KIAA1217: variants seen among roughly 807,000 people sequenced by gnomAD.
KIAA1217 encodes sickle tail protein homolog.
KIAA1217 carries 88 observed loss-of-function variants against 163.9 expected under a neutral mutation model. That is an observed-to-expected ratio of 0.54 (90% CI 0.45 to 0.64). The LOEUF (loss-of-function observed/expected upper bound fraction) is 0.64, where lower values mean the gene tolerates loss of function less well. Among genes scored for constraint, KIAA1217 ranks in the 30% least tolerant of loss-of-function variants. The pLI, the probability that KIAA1217 is intolerant of heterozygous loss-of-function variation, is 0.00. For missense variants in KIAA1217, 2,372 were observed against 2,475.0 expected, an observed-to-expected ratio of 0.96 and a Z score of 0.88; for synonymous variants, 903 against 923.1, an observed-to-expected ratio of 0.98 and a Z score of 0.39.
intron 1 of KIAA1217, among the ~76,000 whole-genome samples, chr10:23,731,958 GGTTGTGGT>G (rs1271873680): frequency 4.6e-5 from 7 of 152,012 alleles, no homozygotes; most frequent in Non-Finnish European, 1.0e-4. Context: ...AATCTCACTT[GGTTGTGGT>G]GTATAACTCT....
At position 24,434,025 on chromosome 10, in the gene KIAA1217, C is replaced by CTT. The variant is rs569791889; in HGVS notation, c.752+860_752+861dup. ...TCTCTCTCCCTCTCTCTCTCTCTCT[C>CTT]TTTTTTTTTTTTTTTTTTTTTTTTT... On this transcript the variant is annotated intron_variant, in intron 4 of 20. Transcript: ENST00000376454. Among the ~76,000 whole-genome samples, 269 of 72,648 alleles carry CTT rather than the reference C, an allele frequency of 3.7e-3. 1 individual carries two copies. The highest frequency in any genetic ancestry group is 4.7e-3 in the Non-Finnish European group (201 of 43,084). The allele number at this position is 72,648 out of a possible 152,430, so 47.7% of individuals were successfully genotyped here. A position where few individuals can be genotyped will look rare whatever the true frequency, so the allele number is the denominator to read the frequency against.
At chr10:24,479,896 A>G (rs895294508) in intron 6 of KIAA1217, among the ~76,000 whole-genome samples, 6 of 152,156 alleles carry the variant, frequency 3.9e-5, no homozygotes, top group Admixed American at 1.3e-4. Flanking sequence ...GCAAGAAATC[A>G]CTCACTACAT....
intron 5 of KIAA1217, among the ~76,000 whole-genome samples, chr10:24,456,347 C>T (rs779907623): frequency 7.8e-4 from 119 of 152,056 alleles, no homozygotes; most frequent in Non-Finnish European, 1.6e-3. Flanking sequence ...GAGTATTTTC[C>T]GTTTTATTCA....
rs151020484 is a variant in KIAA1217, at chr10:23,810,532, G to C, written c.-321+115298G>C. On this transcript the variant is annotated intron_variant, in intron 1 of 18. Coordinates refer to the KIAA1217 transcript ENST00000376462. ...ATATACTATAGATAATCTATATATA[G>C]TATATATAGTATAATCTATATATAG... Among the ~76,000 whole-genome samples, 206 of 129,248 alleles carry C rather than the reference G, an allele frequency of 1.6e-3. 5 individuals carry two copies. Among genetic ancestry groups the C allele is most frequent in the Non-Finnish European group, 9.6e-4 (61 of 63,392 alleles). The allele number at this position is 129,248 out of a possible 152,430, so 84.8% of individuals were successfully genotyped here.
At chr10:23,897,668 C>A (rs1841765133) in intron 1 of KIAA1217, among the ~76,000 whole-genome samples, 1 of 152,018 alleles carries the variant, frequency 6.6e-6, no homozygotes, top group Non-Finnish European at 1.5e-5. Context: ...CAACTGGTGG[C>A]TAGGAGCCCT....
At chr10:23,893,940 C>A (rs1258985472) in intron 1 of KIAA1217, among the ~76,000 whole-genome samples, 1 of 151,832 alleles carries the variant, frequency 6.6e-6, no homozygotes, top group South Asian at 2.1e-4. Context: ...AATTCAACAA[C>A]CCTTCATGCT....
intron 15 of KIAA1217, among the ~76,000 whole-genome samples, chr10:24,532,391 A>G (rs2073255435): frequency 6.6e-6 from 1 of 152,190 alleles, no homozygotes; most frequent in Non-Finnish European, 1.5e-5. Flanking sequence ...TAACTAACCA[A>G]GTGTTAGCTT....
chr10:24,141,234 C>G (rs564809478), intron 2 of KIAA1217, among the ~76,000 whole-genome samples: 1 of 132,790 alleles, frequency 7.5e-6, no homozygotes, highest in Non-Finnish European at 1.6e-5. Context: ...AACCCCCCCC[C>G]CCCATTTCTC....
intron 2 of KIAA1217, among the ~76,000 whole-genome samples, chr10:24,097,054 A>G (rs2062192565): frequency 6.6e-6 from 1 of 152,222 alleles, no homozygotes; most frequent in African/African-American, 2.4e-5. Flanking sequence ...GTGCATGGAA[A>G]GACACTGGGG....
At chr10:24,039,486 A>G (rs1848536869) in intron 2 of KIAA1217, among the ~76,000 whole-genome samples, 1 of 152,060 alleles carries the variant, frequency 6.6e-6, no homozygotes, top group African/African-American at 2.4e-5. Flanking sequence ...CAGCCACACA[A>G]TTGAGAGGGT....
At chr10:23,902,282 T>C (rs1841988884) in intron 1 of KIAA1217, among the ~76,000 whole-genome samples, 1 of 152,050 alleles carries the variant, frequency 6.6e-6, no homozygotes, top group African/African-American at 2.4e-5. Context: ...GAAAACCAAA[T>C]ACCACACATT....
intron 2 of KIAA1217, among the ~76,000 whole-genome samples, chr10:24,135,600 G>A (rs1229795380): frequency 6.6e-6 from 1 of 152,066 alleles, no homozygotes; most frequent in Non-Finnish European, 1.5e-5. Context: ...GCTAGAGGAG[G>A]GGAGAGAGCT....
intron 1 of KIAA1217, among the ~76,000 whole-genome samples, chr10:23,828,237 C>A (rs1393736845): frequency 6.6e-6 from 1 of 152,040 alleles, no homozygotes; most frequent in Non-Finnish European, 1.5e-5. Flanking sequence ...GTTATAAAAC[C>A]ATACCTAATT....
chr10:24,272,984 A>C lies in KIAA1217; in HGVS notation c.354+53075A>C, dbSNP rs371151645. ...GACAGCAGAATGTCAGGGGACTCTC[A>C]TTGCGTAAAAGTCTGTGCCCTTCTG... is the stretch of plus-strand genomic sequence containing the variant. On this transcript the variant is annotated intron_variant, in intron 2 of 20. Transcript: ENST00000376454. 3.9e-5 allele frequency among the ~76,000 whole-genome samples: 6 copies of C among 152,346 alleles called. No individual in the cohort carries two copies. The East Asian group carries it at 5.8e-4, about 15-fold the overall frequency.
At chr10:24,484,359 C>G (rs1402638991) in intron 6 of KIAA1217, among the ~76,000 whole-genome samples, 4 of 148,966 alleles carry the variant, frequency 2.7e-5, no homozygotes, top group Non-Finnish European at 5.9e-5. Context: ...ATTCTCCTGC[C>G]TCAGCCTCCC....
At chr10:24,519,999 A>G in intron 10 of KIAA1217, 124 bp from the exon 11 acceptor site, 1 of 1,119,832 alleles carries the variant, frequency 8.9e-7, no homozygotes, top group Admixed American at 2.3e-5. Flanking sequence ...CCACCACACG[A>G]AAGGCAGGGG....
intron 1 of KIAA1217, among the ~76,000 whole-genome samples, chr10:23,718,552 C>T (rs866582917): frequency 1.3e-4 from 19 of 150,958 alleles, no homozygotes; most frequent in Non-Finnish European, 2.5e-4. Context: ...AATCCTTTAT[C>T]GGGGAGAAGA....
rs1411810004 is a variant in KIAA1217, at chr10:24,524,495, G to A, written c.2629G>A (p.Val877Met). 6.2e-7 allele frequency: 1 copy of A among 1,614,150 alleles called. No homozygotes were observed. Among genetic ancestry groups the A allele is most frequent in the South Asian group, 1.1e-5 (1 of 91,076 alleles). Reference protein sequence around the residue: ...GAPGDAKSEVVPLSGMMVRHA... With the variant: ...GAPGDAKSEVMPLSGMMVRHA... ...CCCTGGCGATGCGAAGTCGGAAGTG[G>A]TGCCTTTGTCCGGCATGATGGTTCG... The change falls in exon 13 of 21, where the codon GTG becomes ATG. Residue 877 changes from valine (V) to methionine (M), a missense_variant. Val to Met is a conservative substitution (Grantham distance 21, BLOSUM62 1). Transcript: ENST00000376454.
intron 2 of KIAA1217, among the ~76,000 whole-genome samples, chr10:24,072,675 G>T (rs1323392510): frequency 6.6e-6 from 1 of 152,158 alleles, no homozygotes; most frequent in Non-Finnish European, 1.5e-5. Context: ...CACCACAGAT[G>T]CCTAGGCTAT....
Sources: gnomAD v4.1 joint callset for allele counts (sites outside exome capture counted in the v4.1 genomes callset) on GRCh38, gnomAD v4.1.1 for gene constraint, MANE v1.5 for transcripts, NCBI Gene and HGNC (gene_info 2026-07-23, HGNC 2026-07-21) for gene names.